The following MTCL1 variants were observed in gnomAD, a reference collection of about 807,000 sequenced individuals.
MTCL1 encodes microtubule crosslinking factor 1.
Under a neutral mutation model 141.4 loss-of-function variants are expected in MTCL1, and 79 were observed. The ratio of observed to expected loss-of-function variants is 0.56; its 90% CI spans 0.47 to 0.67. MTCL1 has a LOEUF of 0.67. MTCL1 is among the 30% of genes least tolerant of loss of function. The pLI is 0.00. For synonymous variants in MTCL1, 914 were observed against 875.8 expected (o/e 1.04, Z -0.77); for missense variants, 2,177 against 2,113.9 (o/e 1.03, Z -0.59).
chr18:8,766,190 A>G (rs2096458902), intron 4 of MTCL1, among the ~76,000 whole-genome samples: 1 of 152,214 alleles, frequency 6.6e-6, no homozygotes, highest in Non-Finnish European at 1.5e-5. Flanking sequence ...TGCACACAAG[A>G]AAGGCGTGGT....
chr18:8,715,665 G>C (rs8087532), upstream of MTCL1, among the ~76,000 whole-genome samples: 551 of 152,264 alleles, frequency 3.6e-3, 2 homozygotes, highest in African/African-American at 0.012. Flanking sequence ...TCATGGATGG[G>C]GTGTGAATCA....
At chr18:8,751,433 T>G (rs2096370738) in intron 4 of MTCL1, among the ~76,000 whole-genome samples, 1 of 152,226 alleles carries the variant, frequency 6.6e-6, no homozygotes, top group African/African-American at 2.4e-5. Context: ...CTACTGTTAC[T>G]GCTCAAAAGT....
At chr18:8,785,446 C>T (rs1033061048) in intron 6 of MTCL1, among the ~76,000 whole-genome samples, 10 of 152,094 alleles carry the variant, frequency 6.6e-5, no homozygotes, top group Non-Finnish European at 1.2e-4. Context: ...CGCCCTGCCG[C>T]CGCTGGGGAG....
At chr18:8,710,911 T>C (rs1353937156) in intron 1 of MTCL1, among the ~76,000 whole-genome samples, 2 of 149,152 alleles carry the variant, frequency 1.3e-5, no homozygotes, top group South Asian at 2.1e-4. Flanking sequence ...TATTATACTT[T>C]AAGTTTTAGG....
At chr18:8,765,760 C>T (rs1024412407) in intron 4 of MTCL1, among the ~76,000 whole-genome samples, 5 of 152,210 alleles carry the variant, frequency 3.3e-5, no homozygotes, top group African/African-American at 1.2e-4. Context: ...CATGTACTTT[C>T]ATCCTTGGAA....
chr18:8,766,515 G>T (rs1261669286), intron 4 of MTCL1, among the ~76,000 whole-genome samples: 1 of 152,220 alleles, frequency 6.6e-6, no homozygotes, highest in Non-Finnish European at 1.5e-5. Context: ...TCTGGCAACT[G>T]ATCCTGCTTT....
chr18:8,782,291 CTGT>C (rs1397048979), intron 5 of MTCL1: 3 of 152,204 alleles, frequency 2.0e-5, no homozygotes, highest in African/African-American at 4.8e-5. Flanking sequence ...TCCCGCAGTG[CTGT>C]TGTTGACAGT....
At chr18:8,751,900 C>A (rs375987884) in intron 4 of MTCL1, among the ~76,000 whole-genome samples, 1 of 152,302 alleles carries the variant, frequency 6.6e-6, no homozygotes, top group East Asian at 1.9e-4. Context: ...GCAGCGGTGA[C>A]GCGGAAAAGA....
chr18:8,778,719 C>T (rs2096521998), intron 5 of MTCL1, among the ~76,000 whole-genome samples: 1 of 152,238 alleles, frequency 6.6e-6, no homozygotes, highest in Non-Finnish European at 1.5e-5. Flanking sequence ...TCCCCAACCT[C>T]CCAGTCTCAT....
At chr18:8,805,311 G>A (rs1038196365) in intron 10 of MTCL1, among the ~76,000 whole-genome samples, 7 of 152,022 alleles carry the variant, frequency 4.6e-5, no homozygotes, top group Admixed American at 2.0e-4. Flanking sequence ...ATCTCTGTCC[G>A]AGTATACCCA....
Position 8,817,252 on chromosome 18 carries a change from CT to C in MTCL1, c.2860-1690del, listed in dbSNP as rs35022661. Among the ~76,000 whole-genome samples, 451 of 118,216 alleles carry C rather than the reference CT, an allele frequency of 3.8e-3. 4 individuals are homozygous for C. The highest frequency in any genetic ancestry group is 0.01 in the African/African-American group (315 of 31,384). The allele number at this position is 118,216 out of a possible 152,430, so 77.6% of individuals were successfully genotyped here. On this transcript the variant is annotated intron_variant, in intron 12 of 16. Coordinates refer to ENST00000359865, the Ensembl canonical transcript of MTCL1. Reference sequence around the variant, plus strand: ...TAAATGAACATATAAAAAGCCTTCCCTTTTTTTTTTTTTTTTTTTTTAAAGA... The same window carrying C: ...TAAATGAACATATAAAAAGCCTTCCCTTTTTTTTTTTTTTTTTTTTAAAGA...
exon 6 of MTCL1, chr18:8,784,343 C>T (rs1348467795): frequency 1.3e-6 from 2 of 1,543,734 alleles, no homozygotes; most frequent in Non-Finnish European, 1.8e-6. Flanking sequence ...GCGGGAAGGG[C>T]CTGTTGGCGG....
chr18:8,725,271 C>G (rs1444152458), intron 4 of MTCL1, among the ~76,000 whole-genome samples: 1 of 152,122 alleles, frequency 6.6e-6, no homozygotes, highest in Admixed American at 6.5e-5. Flanking sequence ...CGACTTCTTG[C>G]GGCTGCCTTT....
At chr18:8,747,064 C>T (rs764301246) in intron 4 of MTCL1, among the ~76,000 whole-genome samples, 1 of 152,140 alleles carries the variant, frequency 6.6e-6, no homozygotes, top group East Asian at 1.9e-4. Flanking sequence ...TGTGTTGGCC[C>T]GGCTCTTCCA....
At chr18:8,815,479 G>A (rs2076623316) in intron 12 of MTCL1, among the ~76,000 whole-genome samples, 1 of 151,958 alleles carries the variant, frequency 6.6e-6, no homozygotes, top group Non-Finnish European at 1.5e-5. Flanking sequence ...GTGGGGTGCG[G>A]GGAGGTGGGG....
exon 6 of MTCL1, chr18:8,784,788 T>A (rs1262800471): frequency 1.9e-6 from 3 of 1,613,000 alleles, no homozygotes; most frequent in Non-Finnish European, 2.5e-6. Context: ...GTGACTTCCG[T>A]GTCCCGGGAC....
chr18:8,785,573 T>G (rs1598649817), intron 6 of MTCL1: 2 of 238,670 alleles, frequency 8.4e-6, no homozygotes, highest in Non-Finnish European at 1.6e-5. Flanking sequence ...AAGAGCCTCG[T>G]TTTCCGTTTC....
chr18:8,771,399 C>T (rs913033278), intron 4 of MTCL1, among the ~76,000 whole-genome samples: 1 of 152,126 alleles, frequency 6.6e-6, no homozygotes, highest in Non-Finnish European at 1.5e-5. Context: ...AAACTACCCC[C>T]CAAAAACCTA....
In MTCL1 at chr18:8,828,289, C is replaced by G. The variant is rs2077088498; in HGVS notation, c.4723-619C>G. On this transcript the variant is annotated intron_variant, in intron 15 of 16. Transcript: ENST00000359865. This position sits in a 1 kb window ranked among gnomAD's most constrained non-coding sequence, Gnocchi z 5.2. Reference sequence around the variant, plus strand: ...AGTGATGCAGGTGACAAGAAATCTCCCTTTCTCACTGCACTGTCATCCCAT... The same window carrying G: ...AGTGATGCAGGTGACAAGAAATCTCGCTTTCTCACTGCACTGTCATCCCAT... 6.6e-6 allele frequency among the ~76,000 whole-genome samples: 1 copy of G among 152,196 alleles called. No individual in the cohort carries two copies. The highest frequency in any genetic ancestry group is 1.5e-5 in the Non-Finnish European group (1 of 68,038).
Sources: allele counts gnomAD v4.1 joint callset (sites outside exome capture counted in the v4.1 genomes callset), GRCh38; gene constraint gnomAD v4.1.1; non-coding constraint Gnocchi (gnomAD v3.1); transcripts MANE v1.5; gene names NCBI Gene and HGNC (gene_info 2026-07-23, HGNC 2026-07-21).